Variants in TM9SF3 observed in about 807,000 individuals in gnomAD.
TM9SF3 encodes the protein SM-11044-binding protein.
Under a neutral mutation model 78.6 loss-of-function variants are expected in TM9SF3, and 14 were observed. That is an observed-to-expected ratio of 0.18 (90% confidence interval 0.12 to 0.28). The LOEUF is 0.28. Ranked by LOEUF, TM9SF3 falls within the 10% of genes least tolerant of loss-of-function variation. The pLI is 1.00. For synonymous variants in TM9SF3, 231 were observed against 241.7 expected, an observed-to-expected ratio of 0.96 and a Z score of 0.41; for missense variants, 496 against 721.9, an observed-to-expected ratio of 0.69 and a Z score of 3.59.
rs398014526 is a variant in TM9SF3, at chr10:96,543,344, C to CTTTTTTTTTTTTT, written c.1185+731_1185+732insAAAAAAAAAAAAA. On this transcript the variant is annotated intron_variant, in intron 9 of 14. Transcript: ENST00000371142. Reference sequence around the variant, plus strand: ...ATTTACAAAAATGCTTAGTGAGATTCTTTTTTTTGAGATGGAGTCTGGCTC... The same window carrying CTTTTTTTTTTTTT: ...ATTTACAAAAATGCTTAGTGAGATTCTTTTTTTTTTTTTTTTTTTTTGAGATGGAGTCTGGCTC... 3.2e-3 allele frequency among the ~76,000 whole-genome samples: 442 copies of CTTTTTTTTTTTTT among 136,892 alleles called. 10 individuals are homozygous for CTTTTTTTTTTTTT. Among genetic ancestry groups the CTTTTTTTTTTTTT allele is most frequent in the Middle Eastern group, 7.9e-3 (2 of 254 alleles). The allele number at this position is 136,892 out of a possible 152,430, so 89.8% of individuals were successfully genotyped here.
At position 96,586,721 on chromosome 10, in the gene TM9SF3, C is replaced by T; in HGVS notation, c.102+13G>A. On this transcript the variant is annotated intron_variant, in intron 1 of 14. Transcript: ENST00000371142. Reference sequence around the variant, plus strand: ...GCTAGCCCGGGGCGGCCGCGCCGGCCGGGGCGCCTCACCGTGTGTTCGTGC... The same window carrying T: ...GCTAGCCCGGGGCGGCCGCGCCGGCTGGGGCGCCTCACCGTGTGTTCGTGC... The T allele has an allele frequency of 8.2e-7, 1 of 1,222,962 alleles. No homozygotes were observed. The highest frequency in any genetic ancestry group is 1.0e-6 in the Non-Finnish European group (1 of 982,062). The allele number at this position is 1,222,962 out of a possible 1,614,324, so 75.8% of individuals were successfully genotyped here.
At chr10:96,565,166 G>T (rs1407060285) in intron 3 of TM9SF3, 138 bp downstream of exon 3, 2 of 801,008 alleles carry the variant, frequency 2.5e-6, no homozygotes, top group Non-Finnish European at 1.8e-6. Flanking sequence ...CATAAAACTG[G>T]TATTAAAATC....
chr10:96,549,205 CCT>C (rs1848138318), intron 7 of TM9SF3, among the ~76,000 whole-genome samples: 2 of 152,262 alleles, frequency 1.3e-5, no homozygotes, highest in South Asian at 4.1e-4. Flanking sequence ...AAATACTTTT[CCT>C]CTGATTGCTA....
chr10:96,542,240 A>G (rs562364325), intron 9 of TM9SF3, among the ~76,000 whole-genome samples: 2 of 152,342 alleles, frequency 1.3e-5, no homozygotes, highest in South Asian at 2.1e-4. Context: ...AGGAGACGGT[A>G]AAGTACACAC....
chr10:96,527,493 T>C lies in TM9SF3; in HGVS notation c.1545A>G (p.Gln515=), dbSNP rs141003112. Residue 515 remains glutamine, a synonymous_variant, in exon 13 of 15, where the codon CAA becomes CAG. Transcript: ENST00000371142. ...FLLNAEDYRW[Q]WTSFLSAAST... is the part of the protein sequence containing the mutation. ...ATGCAGCAGAGAGAAAACTTGTCCA[T>C]TGCCTGGTGGGGGGAGGGGGAAAGA... 7 of 1,608,526 alleles carry C rather than the reference T, an allele frequency of 4.4e-6. No individual in the cohort carries two copies. The African/African-American group carries it at 5.4e-5, about 12-fold the overall frequency.
At chr10:96,567,354 G>C (rs763984872) in intron 2 of TM9SF3, among the ~76,000 whole-genome samples, 1 of 152,042 alleles carries the variant, frequency 6.6e-6, no homozygotes. Flanking sequence ...CAAAGTGCTG[G>C]GATTACAGGC....
chr10:96,565,453 G>A, intron 2 of TM9SF3, 27 bp from the exon 3 acceptor site: 1 of 1,507,860 alleles, frequency 6.6e-7, no homozygotes, highest in Non-Finnish European at 8.8e-7. Flanking sequence ...TTGCAAATTA[G>A]CCCACTAGTT....
intron 2 of TM9SF3, among the ~76,000 whole-genome samples, chr10:96,573,929 A>G (rs1848467856): frequency 6.6e-6 from 1 of 152,216 alleles, no homozygotes; most frequent in South Asian, 2.1e-4. Flanking sequence ...TTAACTCGAG[A>G]TGGATTAAAG....
At chr10:96,530,640 T>A (rs757558990) in intron 10 of TM9SF3, 32 bp from the exon 11 acceptor site, 1 of 1,563,112 alleles carries the variant, frequency 6.4e-7, no homozygotes, top group Admixed American at 1.8e-5. Context: ...AGTAAACTTC[T>A]AGTATGATTT....
At chr10:96,579,441 A>G (rs906947397) in intron 1 of TM9SF3, among the ~76,000 whole-genome samples, 4 of 152,242 alleles carry the variant, frequency 2.6e-5, no homozygotes, top group African/African-American at 9.6e-5. Context: ...TTGAAAATAA[A>G]TACCTTTAAA....
intron 9 of TM9SF3, among the ~76,000 whole-genome samples, chr10:96,541,901 G>A (rs912145768): frequency 1.3e-5 from 2 of 152,134 alleles, no homozygotes; most frequent in Non-Finnish European, 2.9e-5. Context: ...GAGCCTTTCG[G>A]CTCACAGATC....
At chr10:96,585,458 G>C (rs1441576907) in intron 1 of TM9SF3, among the ~76,000 whole-genome samples, 1 of 152,124 alleles carries the variant, frequency 6.6e-6, no homozygotes, top group Non-Finnish European at 1.5e-5. Flanking sequence ...ATTATCTTAG[G>C]TGAAACACCA....
chr10:96,528,232 C>T, intron 11 of TM9SF3, 55 bp from the exon 12 acceptor site: 1 of 1,512,678 alleles, frequency 6.6e-7, no homozygotes, highest in Non-Finnish European at 8.9e-7. Flanking sequence ...AAAGCTCACT[C>T]TGCTCTTCGT....
At chr10:96,525,339 G>C (rs1411914124) in intron 14 of TM9SF3, among the ~76,000 whole-genome samples, 1 of 152,026 alleles carries the variant, frequency 6.6e-6, no homozygotes, top group Non-Finnish European at 1.5e-5. Flanking sequence ...AATTATCACA[G>C]GGAATGGCTA....
intron 6 of TM9SF3, among the ~76,000 whole-genome samples, chr10:96,551,909 AAC>A (rs1235522744): frequency 6.7e-6 from 1 of 150,192 alleles, no homozygotes; most frequent in Non-Finnish European, 1.5e-5. Flanking sequence ...GTTTTTATTT[AAC>A]AGTCTATATG....
chr10:96,562,199 A>C, intron 3 of TM9SF3, 61 bp from the exon 4 acceptor site: 7 of 1,240,314 alleles, frequency 5.6e-6, no homozygotes, highest in Non-Finnish European at 6.7e-6. Flanking sequence ...ATATCCTACA[A>C]GCTAAATGCT....
chr10:96,528,529 A>G (rs1847863263), intron 11 of TM9SF3, among the ~76,000 whole-genome samples: 1 of 152,152 alleles, frequency 6.6e-6, no homozygotes, highest in African/African-American at 2.4e-5. Context: ...AACACAATTC[A>G]AGCAATGTAG....
At chr10:96,533,637 A>G (rs974729810) in intron 9 of TM9SF3, among the ~76,000 whole-genome samples, 3 of 152,218 alleles carry the variant, frequency 2.0e-5, no homozygotes, top group Admixed American at 6.5e-5. Context: ...TCAGAGAAGG[A>G]TAAGTAACTT....
chr10:96,569,211 G>GA (rs1254597224), intron 2 of TM9SF3, among the ~76,000 whole-genome samples: 1 of 152,162 alleles, frequency 6.6e-6, no homozygotes, highest in African/African-American at 2.4e-5. Flanking sequence ...TATATTCACA[G>GA]AAAGTGTTCT....
Sources: allele counts gnomAD v4.1 joint callset (sites outside exome capture counted in the v4.1 genomes callset), GRCh38; gene constraint gnomAD v4.1.1; transcripts MANE v1.5; gene names NCBI Gene and HGNC (gene_info 2026-07-23, HGNC 2026-07-21).